PCDHA11: variants seen among roughly 807,000 people sequenced by gnomAD.
PCDHA11 encodes the protein protocadherin alpha-11.
A neutral mutation model predicts 70.3 loss-of-function variants in PCDHA11; 61 were observed. That is an observed-to-expected ratio of 0.87 (90% CI 0.71 to 1.07). The LOEUF is 1.07. PCDHA11 is among the 50% of genes least tolerant of loss of function. PCDHA11 has a pLI of 0.00. For missense variants in PCDHA11, 1,324 were observed against 1,237.5 expected (o/e 1.07, Z -1.05); for synonymous variants, 633 against 555.1 (o/e 1.14, Z -1.97).
intron 1 of PCDHA11, chr5:140,875,879 G>A: frequency 6.2e-7 from 1 of 1,614,214 alleles, no homozygotes. Context: ...TTCAGAGAAA[G>A]GGAACAAAAG....
chr5:140,876,919 GA>G, intron 1 of PCDHA11: 2 of 1,613,952 alleles, frequency 1.2e-6, no homozygotes, highest in Non-Finnish European at 1.7e-6. Context: ...ATGGGACGCG[GA>G]CGCGCAGAAG....
intron 1 of PCDHA11, among the ~76,000 whole-genome samples, chr5:140,891,207 GCTGTGTCTTTATAATCATC>G (rs2062985050): frequency 6.6e-6 from 1 of 152,054 alleles, no homozygotes; most frequent in Non-Finnish European, 1.5e-5. Context: ...GTTTTACCAT[GCTGTGTCTTTATAATCATC>G]CTGTTCTGGA....
intron 1 of PCDHA11, among the ~76,000 whole-genome samples, chr5:140,888,286 C>T (rs1277980750): frequency 6.6e-6 from 1 of 152,080 alleles, no homozygotes; most frequent in African/African-American, 2.4e-5. Context: ...TCCCCTCTAC[C>T]CCCTACCCAG....
chr5:140,871,748 A>T (rs1298018715), intron 1 of PCDHA11: 3 of 637,032 alleles, frequency 4.7e-6, no homozygotes, highest in Non-Finnish European at 7.7e-6. Flanking sequence ...TCCTAAAAGA[A>T]ATGAGATGCA....
chr5:140,878,350 T>C (rs932815141), intron 1 of PCDHA11, among the ~76,000 whole-genome samples: 1 of 152,250 alleles, frequency 6.6e-6, no homozygotes, highest in Non-Finnish European at 1.5e-5. Context: ...CACAATAATA[T>C]AAATGATATG....
chr5:140,949,111 T>C (rs1316111436), intron 1 of PCDHA11, among the ~76,000 whole-genome samples: 1 of 151,772 alleles, frequency 6.6e-6, no homozygotes, highest in African/African-American at 2.4e-5. Context: ...AGTTTACAAA[T>C]ATTTTTGGTT....
intron 3 of PCDHA11, among the ~76,000 whole-genome samples, chr5:141,005,701 C>CAA (rs59860837): frequency 0.061 from 476 of 7,774 alleles, 114 homozygotes; most frequent in African/African-American, 0.16. Flanking sequence ...AACTCCGTCT[C>CAA]AAAAAAAAAA....
intron 1 of PCDHA11, among the ~76,000 whole-genome samples, chr5:140,911,947 G>A (rs559007219): frequency 1.4e-4 from 22 of 152,262 alleles, no homozygotes; most frequent in Non-Finnish European, 2.5e-4. Context: ...TATATATAAA[G>A]GGGAGGTTAC....
At chr5:140,966,030 A>C (rs1554227994) in intron 1 of PCDHA11, among the ~76,000 whole-genome samples, 4 of 152,164 alleles carry the variant, frequency 2.6e-5, no homozygotes, top group Admixed American at 6.5e-5. Context: ...AGTCAGGTGA[A>C]TAGTTCCCAT....
At chr5:140,893,771 T>C (rs1428542584) in intron 1 of PCDHA11, among the ~76,000 whole-genome samples, 1 of 152,186 alleles carries the variant, frequency 6.6e-6, no homozygotes, top group African/African-American at 2.4e-5. Flanking sequence ...CTTGTCACTT[T>C]TCTTTTACCG....
chr5:140,924,902 A>AAAAAT (rs1554202311), intron 1 of PCDHA11, among the ~76,000 whole-genome samples: 1 of 39,026 alleles, frequency 2.6e-5, no homozygotes, highest in Non-Finnish European at 6.3e-5. Context: ...CTCAAAAAAA[A>AAAAAT]AAATAAAATA....
intron 1 of PCDHA11, among the ~76,000 whole-genome samples, chr5:140,909,265 G>A (rs1289313376): frequency 3.3e-5 from 5 of 152,192 alleles, no homozygotes; most frequent in Non-Finnish European, 7.3e-5. Flanking sequence ...CTGACTGAAG[G>A]CAAATTGCTT....
chr5:140,903,647 T>A (rs1583499959), intron 1 of PCDHA11, among the ~76,000 whole-genome samples: 1 of 152,228 alleles, frequency 6.6e-6, no homozygotes, highest in East Asian at 1.9e-4. Flanking sequence ...ACCATATACA[T>A]ATATTATAAA....
Position 140,883,352 on chromosome 5 carries a change from G to A in PCDHA11, c.2391+11858G>A, listed in dbSNP as rs1554177776. ...TTCTTTGTCACTCCCCATCAGAGAA[G>A]ACACTCAGCCTAGCGCCATTATTGC... is the stretch of plus-strand genomic sequence containing the variant. On this transcript the variant is annotated intron_variant, in intron 1 of 3. Coordinates refer to ENST00000398640, the MANE Select transcript of PCDHA11 (RefSeq NM_018902.5). The A allele has an allele frequency of 1.9e-6, 3 of 1,614,164 alleles. No homozygotes were observed. In the East Asian group the frequency reaches 6.7e-5, roughly 36 times the overall value.
Position 140,881,064 on chromosome 5 carries a change from T to C in PCDHA11, c.2391+9570T>C, listed in dbSNP as rs191524582. On this transcript the variant is annotated intron_variant, in intron 1 of 3. Transcript: ENST00000398640. ...AGAGTTGTGCACAGAACAGGCCAGA[T>C]AATTATTGGAGCTATGATATATTTT... Among the ~76,000 whole-genome samples, 392 of 152,302 alleles carry C rather than the reference T, an allele frequency of 2.6e-3. 1 individual carries two copies. The highest frequency in any genetic ancestry group is 9.1e-3 in the African/African-American group (379 of 41,556).
Position 140,870,960 on chromosome 5 carries a change from C to A in PCDHA11, c.1857C>A (p.Ile619=). The change falls in exon 1 of 4, where the codon ATC becomes ATA. Residue 619 remains isoleucine, a synonymous_variant. Coordinates refer to ENST00000398640, the MANE Select transcript of PCDHA11 (RefSeq NM_018902.5). ...AGCCGGCGGCGGGCGGCTCGCGCAT[C>A]CCGTTCCGCGTGGGGCTGTACACGG... is the stretch of plus-strand genomic sequence containing the variant. ...ELQPAAGGSR[I]PFRVGLYTGE... is the part of the protein sequence containing the mutation. 6.2e-7 allele frequency: 1 copy of A among 1,613,670 alleles called. No homozygotes were observed.
intron 1 of PCDHA11, among the ~76,000 whole-genome samples, chr5:140,914,503 T>C (rs2879076): frequency 0.12 from 17,707 of 152,222 alleles, 1,150 homozygotes; most frequent in Middle Eastern, 0.19. Context: ...CAACAGATCA[T>C]TGGGTCATGT....
intron 1 of PCDHA11, among the ~76,000 whole-genome samples, chr5:140,917,830 G>A (rs2078377355): frequency 6.6e-6 from 1 of 151,722 alleles, no homozygotes; most frequent in Admixed American, 6.6e-5. Flanking sequence ...GTAGTGTGAT[G>A]TCCTTCTTGT....
intron 1 of PCDHA11, among the ~76,000 whole-genome samples, chr5:140,955,323 G>A (rs1213005534): frequency 6.6e-6 from 1 of 152,098 alleles, no homozygotes; most frequent in East Asian, 1.9e-4. Flanking sequence ...ACCTTGAATT[G>A]TAGTTCCCAT....
Sources: allele counts gnomAD v4.1 joint callset (sites outside exome capture counted in the v4.1 genomes callset), GRCh38; gene constraint gnomAD v4.1.1; transcripts MANE v1.5; gene names NCBI Gene and HGNC (gene_info 2026-07-23, HGNC 2026-07-21).